FUNDC2: variants seen among roughly 807,000 people sequenced by gnomAD.
The protein encoded by FUNDC2 is FUN14 domain containing 2, also known as FUN14 domain-containing protein 2.
A neutral mutation model predicts 15.6 loss-of-function variants in FUNDC2; 4 were observed. The ratio of observed to expected loss-of-function variants is 0.26; its 90% CI spans 0.13 to 0.59. FUNDC2 has a LOEUF of 0.59. FUNDC2 is among the 20% of genes least tolerant of loss of function. The probability of loss-of-function intolerance (pLI) is 0.90; values close to 1 mark genes in which losing one functional copy is unlikely to be tolerated. For synonymous variants in FUNDC2, 44 were observed against 56.9 expected (o/e 0.77, Z 1.02); for missense variants, 98 against 149.7 (o/e 0.65, Z 1.80).
chrX:155,043,595 A>G (rs2073854026), intron 2 of FUNDC2, among the ~76,000 whole-genome samples: 1 of 111,984 alleles, frequency 8.9e-6, no homozygotes. Context: ...GCTTTATTTA[A>G]AATGTGTGTT....
chrX:155,051,012 T>G (rs1447027419), intron 3 of FUNDC2: 1 of 111,927 alleles, frequency 8.9e-6, no homozygotes, highest in Non-Finnish European at 1.9e-5. Flanking sequence ...TGATAGGGCA[T>G]TGATTGATTG....
At position 155,059,440 on chromosome X, in the gene FUNDC2, G is replaced by C. The variant is rs1569560333; in HGVS notation, c.*4768G>C. The C allele has an allele frequency of 1.1e-5, 1 of 93,400 alleles. No homozygotes were observed. Among genetic ancestry groups the C allele is most frequent in the Non-Finnish European group, 2.2e-5 (1 of 45,688 alleles). The allele number at this position is 93,400 out of a possible 1,213,427, so 7.7% of individuals were successfully genotyped here. A position where few individuals can be genotyped will look rare whatever the true frequency, so the allele number is the denominator to read the frequency against. On this transcript the variant is annotated 3_prime_UTR_variant, in exon 5 of 5. Transcript: ENST00000369498. ...CATCACTAATAGCCAACTTAACAAAGTTTTTTTTTTTTTTTGGTTTCTAAA... is the reference window on the plus strand; with the variant it reads ...CATCACTAATAGCCAACTTAACAAACTTTTTTTTTTTTTTTGGTTTCTAAA...
chrX:155,044,257 G>A (rs2073855790), intron 2 of FUNDC2, among the ~76,000 whole-genome samples: 2 of 111,779 alleles, frequency 1.8e-5, no homozygotes, highest in African/African-American at 6.5e-5. Flanking sequence ...GAAAGTGGAG[G>A]TAAGAAGTCC....
At chrX:155,039,149 G>A (rs1401708549) in intron 2 of FUNDC2, among the ~76,000 whole-genome samples, 1 of 111,926 alleles carries the variant, frequency 8.9e-6, no homozygotes, top group Non-Finnish European at 1.9e-5. Flanking sequence ...TTGTATGTTT[G>A]TATGTCTTCT....
rs2073916383 is a variant in FUNDC2 at position 155,058,471 on chromosome X, G to A, written c.*3799G>A. The A allele has an allele frequency of 9.0e-6, 1 of 110,619 alleles. No individual in the cohort carries two copies. The highest frequency in any genetic ancestry group is 3.9e-4 in the South Asian group (1 of 2,564). 9.1% of individuals were successfully genotyped at this position (110,619 alleles called of 1,213,427 possible). ...TGCTTGAAAAGATGGTATACTGATGGATTTGAAATTTCTGAGTATCATCAA... is the reference window on the plus strand; with the variant it reads ...TGCTTGAAAAGATGGTATACTGATGAATTTGAAATTTCTGAGTATCATCAA... On this transcript the variant is annotated 3_prime_UTR_variant, in exon 5 of 5. Transcript: ENST00000369498.
Position 155,027,034 on chromosome X carries a change from G to A in FUNDC2, c.96G>A (p.Ser32=). 1 of 1,196,933 alleles carries A rather than the reference G, an allele frequency of 8.4e-7. No individual in the cohort carries two copies. Among genetic ancestry groups the A allele is most frequent in the Non-Finnish European group, 1.1e-6 (1 of 887,129 alleles). The change falls in exon 1 of 5, where the codon TCG becomes TCA. Residue 32 remains serine, a synonymous_variant. Coordinates refer to ENST00000369498, the MANE Select transcript of FUNDC2 (RefSeq NM_023934.4). The stretch of plus-strand genomic sequence containing the variant: ...GCGCAGATCCTCTACGTGTGTCCTC[G>A]CGAGACAAGCTCACCGAAATGGCCG... ...AYRADPLRVS[S]RDKLTEMAAS...
intron 4 of FUNDC2, among the ~76,000 whole-genome samples, chrX:155,052,768 CTTCT>C (rs1364729467): frequency 3.6e-5 from 4 of 112,331 alleles, no homozygotes; most frequent in Non-Finnish European, 1.9e-5. Flanking sequence ...TCCTTTCTTC[CTTCT>C]GTCTCTCCTC....
intron 1 of FUNDC2, among the ~76,000 whole-genome samples, chrX:155,031,487 G>A (rs2073814940): frequency 9.0e-6 from 1 of 111,407 alleles, no homozygotes; most frequent in African/African-American, 3.3e-5. Context: ...ATGCCACCAC[G>A]CCCAGCTAAT....
At chrX:155,036,864 G>A (rs1325463586) in intron 2 of FUNDC2, among the ~76,000 whole-genome samples, 1 of 111,052 alleles carries the variant, frequency 9.0e-6, no homozygotes, top group East Asian at 2.8e-4. Context: ...TGTAACTTAG[G>A]TAATGCAAGT....
At position 155,027,046 on chromosome X, in the gene FUNDC2, C is replaced by T. The variant is rs137883992; in HGVS notation, c.108C>T (p.Leu36=). ...TACGTGTGTCCTCGCGAGACAAGCT[C>T]ACCGAAATGGCCGCGTCCAGTCAAG... The part of the protein sequence containing the change: ...DPLRVSSRDK[L]TEMAASSQGN... The change falls in exon 1 of 5, where the codon CTC becomes CTT. Residue 36 remains leucine (L), a synonymous_variant. Transcript: ENST00000369498. 1.7e-5 allele frequency: 20 copies of T among 1,190,959 alleles called. No homozygotes were observed. The African/African-American group carries it at 3.2e-4, about 19-fold the overall frequency.
intron 2 of FUNDC2, among the ~76,000 whole-genome samples, chrX:155,044,832 A>G (rs1264498624): frequency 8.9e-6 from 1 of 112,022 alleles, no homozygotes; most frequent in Non-Finnish European, 1.9e-5. Context: ...TAGAACTACC[A>G]TGCGACCCAG....
At chrX:155,045,688 G>T (rs1046356595) in intron 2 of FUNDC2, among the ~76,000 whole-genome samples, 1 of 110,976 alleles carries the variant, frequency 9.0e-6, no homozygotes, top group African/African-American at 3.3e-5. Context: ...CAAAAGAGAC[G>T]GCCTCAAAGT....
rs2073889512 is a variant in FUNDC2 at position 155,054,939 on chromosome X, C to T, written c.*267C>T. 2 of 379,065 alleles carry T rather than the reference C, an allele frequency of 5.3e-6. No homozygotes were observed. Among genetic ancestry groups the T allele is most frequent in the South Asian group, 6.5e-5 (1 of 15,441 alleles). The allele number at this position is 379,065 out of a possible 1,213,427, so 31.2% of individuals were successfully genotyped here. The stretch of plus-strand genomic sequence containing the variant: ...TAGGCCAACAAGAAGGTTCCTTTAC[C>T]CCCATGCAAGACACTTATGAGAACA... On this transcript the variant is annotated 3_prime_UTR_variant, in exon 5 of 5. Transcript: ENST00000369498.
chrX:155,032,280 CTT>C (rs200923469), intron 1 of FUNDC2, among the ~76,000 whole-genome samples: 13 of 62,747 alleles, frequency 2.1e-4, no homozygotes, highest in Middle Eastern at 0.013. Flanking sequence ...CTGGTGCCTT[CTT>C]TTTTTTTTTT....
chrX:155,057,609 AAGGCTTCCCTTCCCT>A lies in FUNDC2; in HGVS notation c.*2938_*2952del, dbSNP rs2073911800. On this transcript the variant is annotated 3_prime_UTR_variant, in exon 5 of 5. Coordinates refer to ENST00000369498, the MANE Select transcript of FUNDC2 (RefSeq NM_023934.4). ...CCAATAGGATGGCATCTACGTAGTG[AAGGCTTCCCTTCCCT>A]TGTCCTGCAGCGTGCTGGACAGTGT... The A allele has an allele frequency of 8.9e-6, 1 of 111,801 alleles. No homozygotes were observed. The highest frequency in any genetic ancestry group is 1.9e-5 in the Non-Finnish European group (1 of 53,066). The allele number at this position is 111,801 out of a possible 1,213,427, so 9.2% of individuals were successfully genotyped here.
intron 4 of FUNDC2, chrX:155,053,974 C>T (rs782730936): frequency 1.3e-6 from 1 of 751,143 alleles, no homozygotes; most frequent in South Asian, 6.9e-5. Flanking sequence ...TCTCAGATGA[C>T]CGGGAGCTAT....
intron 2 of FUNDC2, among the ~76,000 whole-genome samples, chrX:155,041,259 C>T (rs1350094884): frequency 8.9e-6 from 1 of 112,017 alleles, no homozygotes; most frequent in Non-Finnish European, 1.9e-5. Flanking sequence ...TATGATATAA[C>T]AGTATGCTTC....
At chrX:155,043,820 T>C (rs1336756871) in intron 2 of FUNDC2, among the ~76,000 whole-genome samples, 1 of 111,435 alleles carries the variant, frequency 9.0e-6, no homozygotes, top group African/African-American at 3.3e-5. Flanking sequence ...CTGCCTGACA[T>C]CTAACTTTTG....
chrX:155,055,654 A>T lies in FUNDC2; in HGVS notation c.*982A>T, dbSNP rs1297843233. 6.0e-6 allele frequency: 1 copy of T among 165,396 alleles called. No homozygotes were observed. The highest frequency in any genetic ancestry group is 1.1e-4 in the East Asian group (1 of 8,831). The allele number at this position is 165,396 out of a possible 1,213,427, so 13.6% of individuals were successfully genotyped here. A position where few individuals can be genotyped will look rare whatever the true frequency, so the allele number is the denominator to read the frequency against. The stretch of plus-strand genomic sequence containing the variant: ...CACACACACACACGGGCACACACGC[A>T]CACACAGAATCTTACCACATTTTGC... On this transcript the variant is annotated 3_prime_UTR_variant, in exon 5 of 5. Transcript: ENST00000369498.
Sources: allele counts gnomAD v4.1 joint callset (sites outside exome capture counted in the v4.1 genomes callset), GRCh38; gene constraint gnomAD v4.1.1; transcripts MANE v1.5; gene names NCBI Gene and HGNC (gene_info 2026-07-23, HGNC 2026-07-21).